ZNF827: variants seen among roughly 807,000 people sequenced by gnomAD.
ZNF827 encodes the protein zinc finger protein 827.
ZNF827 carries 13 observed loss-of-function variants against 102.4 expected under a neutral mutation model. The ratio of observed to expected loss-of-function variants is 0.13; its 90% CI spans 0.08 to 0.20. ZNF827 has a LOEUF of 0.20. ZNF827 is among the 10% of genes least tolerant of loss of function. ZNF827 has a pLI of 1.00. For missense variants in ZNF827, 1,103 were observed against 1,344.4 expected (o/e 0.82, Z 2.81); for synonymous variants, 523 against 536.2 (o/e 0.98, Z 0.34).
intron 7 of ZNF827, among the ~76,000 whole-genome samples, chr4:145,836,513 T>C (rs1744854742): frequency 1.3e-5 from 2 of 152,210 alleles, no homozygotes; most frequent in Admixed American, 6.5e-5. Context: ...CTGACGCATA[T>C]ACTTTCTGCT....
chr4:145,890,206 G>T (rs1269668737), intron 3 of ZNF827, among the ~76,000 whole-genome samples: 1 of 152,124 alleles, frequency 6.6e-6, no homozygotes, highest in East Asian at 1.9e-4. Flanking sequence ...AGAATATACC[G>T]TTTGATAAAA....
intron 1 of ZNF827, among the ~76,000 whole-genome samples, chr4:145,917,009 C>A (rs966146527): frequency 1.0e-5 from 1 of 99,680 alleles, no homozygotes; most frequent in Non-Finnish European, 1.8e-5. Flanking sequence ...TACCAACATT[C>A]CGATCACAGC....
chr4:145,887,752 C>T (rs961444907), intron 3 of ZNF827, among the ~76,000 whole-genome samples: 38 of 152,180 alleles, frequency 2.5e-4, no homozygotes, highest in African/African-American at 8.9e-4. Context: ...CCATCTCCTC[C>T]GACCAATTCA....
intron 2 of ZNF827, among the ~76,000 whole-genome samples, chr4:145,897,476 C>A (rs957378756): frequency 3.3e-5 from 5 of 152,148 alleles, no homozygotes; most frequent in African/African-American, 1.2e-4. Flanking sequence ...TGCATTATTA[C>A]GGTCTCCATT....
chr4:145,884,764 A>G (rs1156496405), intron 4 of ZNF827, among the ~76,000 whole-genome samples: 1 of 152,246 alleles, frequency 6.6e-6, no homozygotes, highest in East Asian at 1.9e-4. Flanking sequence ...TTTGATGGTG[A>G]TAGAAAGAAT....
At chr4:145,817,727 A>T (rs904417511) in intron 8 of ZNF827, among the ~76,000 whole-genome samples, 1 of 152,204 alleles carries the variant, frequency 6.6e-6, no homozygotes, top group Admixed American at 6.5e-5. Context: ...AATACAGGGG[A>T]TGTGCAAGGA....
intron 9 of ZNF827, among the ~76,000 whole-genome samples, chr4:145,778,715 T>A (rs1462459335): frequency 6.6e-6 from 1 of 152,228 alleles, no homozygotes; most frequent in African/African-American, 2.4e-5. Flanking sequence ...CTTTTCTTTA[T>A]CATTTTGTTT....
At chr4:145,927,892 G>C (rs1753547024) in intron 1 of ZNF827, among the ~76,000 whole-genome samples, 1 of 152,216 alleles carries the variant, frequency 6.6e-6, no homozygotes, top group Non-Finnish European at 1.5e-5. Flanking sequence ...GTAATGTACT[G>C]TTTTCCGTTT....
chr4:145,929,767 TAA>T (rs1753673107), intron 1 of ZNF827, among the ~76,000 whole-genome samples: 1 of 152,226 alleles, frequency 6.6e-6, no homozygotes, highest in South Asian at 2.1e-4. Flanking sequence ...TAATATTTAT[TAA>T]GTCCTTTCTA....
intron 4 of ZNF827, among the ~76,000 whole-genome samples, chr4:145,880,493 T>A (rs142116187): frequency 6.6e-6 from 1 of 152,224 alleles, no homozygotes; most frequent in Non-Finnish European, 1.5e-5. Context: ...TTACGTATAA[T>A]CCTCCAGGTC....
intron 8 of ZNF827, chr4:145,820,066 C>T (rs1213237785): frequency 6.6e-6 from 1 of 152,500 alleles, no homozygotes; most frequent in Non-Finnish European, 1.5e-5. Flanking sequence ...TTTGCAATCC[C>T]CCTCACTGCT....
chr4:145,794,907 G>A (rs1740222106), intron 8 of ZNF827, among the ~76,000 whole-genome samples: 1 of 152,136 alleles, frequency 6.6e-6, no homozygotes, highest in Non-Finnish European at 1.5e-5. Context: ...TTCAAAGACA[G>A]GGCTTTCAAG....
At chr4:145,850,678 G>A (rs534588679) in intron 5 of ZNF827, among the ~76,000 whole-genome samples, 1 of 152,200 alleles carries the variant, frequency 6.6e-6, no homozygotes, top group East Asian at 1.9e-4. Context: ...AACTTGGGTC[G>A]CTATAAAATA....
chr4:145,812,834 A>T (rs1042105384), intron 8 of ZNF827, among the ~76,000 whole-genome samples: 4 of 152,086 alleles, frequency 2.6e-5, no homozygotes, highest in African/African-American at 9.7e-5. Flanking sequence ...GACCTAAACC[A>T]TTTTATTCTA....
intron 11 of ZNF827, among the ~76,000 whole-genome samples, chr4:145,766,461 G>A (rs1735308870): frequency 6.6e-6 from 1 of 152,226 alleles, no homozygotes; most frequent in African/African-American, 2.4e-5. Flanking sequence ...AAAGAGGTGA[G>A]CCATATGACT....
At chr4:145,931,916 C>A (rs543962385) in intron 1 of ZNF827, among the ~76,000 whole-genome samples, 4 of 152,292 alleles carry the variant, frequency 2.6e-5, no homozygotes, top group East Asian at 3.9e-4. Context: ...GGTGTCCCCC[C>A]CAAATTCATG....
At chr4:145,813,560 T>C (rs1470981726) in intron 8 of ZNF827, among the ~76,000 whole-genome samples, 2 of 152,162 alleles carry the variant, frequency 1.3e-5, no homozygotes, top group South Asian at 2.1e-4. Flanking sequence ...AGCACCGCAT[T>C]AGGTAGAGAC....
intron 2 of ZNF827, among the ~76,000 whole-genome samples, chr4:145,892,903 AC>A (rs1465026044): frequency 6.6e-6 from 1 of 152,210 alleles, no homozygotes; most frequent in Non-Finnish European, 1.5e-5. Flanking sequence ...CACACTGAAA[AC>A]CAAACAGCTA....
intron 1 of ZNF827, among the ~76,000 whole-genome samples, chr4:145,920,459 C>T (rs527634034): frequency 1.1e-4 from 17 of 152,276 alleles, no homozygotes; most frequent in South Asian, 2.1e-4. Context: ...CTGCAGCATA[C>T]GCCACGGCCT....
Sources: allele counts gnomAD v4.1 joint callset (sites outside exome capture counted in the v4.1 genomes callset), GRCh38; gene constraint gnomAD v4.1.1; transcripts MANE v1.5; gene names NCBI Gene and HGNC (gene_info 2026-07-23, HGNC 2026-07-21).